The following ADGRL3 variants were observed in gnomAD, a reference collection of about 807,000 sequenced individuals.
ADGRL3 encodes calcium-independent alpha-latrotoxin receptor 3.
In ADGRL3, 62 loss-of-function variants were observed where a neutral mutation model predicts 153.5. That is an observed-to-expected ratio of 0.40 (90% CI 0.33 to 0.50). The LOEUF (loss-of-function observed/expected upper bound fraction) is 0.50. ADGRL3 is among the 20% of genes least tolerant of loss of function. The probability of loss-of-function intolerance (pLI) is 0.47; values close to 1 mark genes in which losing one functional copy is unlikely to be tolerated. For synonymous variants in ADGRL3, 710 were observed against 672.5 expected, an observed-to-expected ratio of 1.06 and a Z score of -0.86; for missense variants, 1,641 against 1,859.4, an observed-to-expected ratio of 0.88 and a Z score of 2.16.
intron 24 of ADGRL3, among the ~76,000 whole-genome samples, chr4:62,042,485 G>A (rs1728918444): frequency 6.6e-6 from 1 of 151,810 alleles, no homozygotes; most frequent in Admixed American, 6.6e-5. Flanking sequence ...ACCCCAGACA[G>A]AGAAAACAAC....
At chr4:61,815,752 C>A (rs1045264000) in intron 9 of ADGRL3, among the ~76,000 whole-genome samples, 6 of 152,142 alleles carry the variant, frequency 3.9e-5, no homozygotes, top group Non-Finnish European at 5.9e-5. Context: ...GATTGATGAC[C>A]TTATAAAAGG....
chr4:61,554,945 T>C (rs184982032), intron 4 of ADGRL3, among the ~76,000 whole-genome samples: 12 of 152,242 alleles, frequency 7.9e-5, no homozygotes, highest in African/African-American at 2.9e-4. Flanking sequence ...AAAAGGAAGT[T>C]TGGACTGTAG....
At chr4:61,417,120 ACCT>A (rs1203542944) in intron 2 of ADGRL3, among the ~76,000 whole-genome samples, 2 of 151,968 alleles carry the variant, frequency 1.3e-5, no homozygotes, top group African/African-American at 4.8e-5. Context: ...CCTGCTGCTC[ACCT>A]CCTGCTGTGC....
chr4:61,495,989 C>T (rs1190088667), intron 2 of ADGRL3, among the ~76,000 whole-genome samples: 2 of 152,076 alleles, frequency 1.3e-5, no homozygotes, highest in Non-Finnish European at 2.9e-5. Flanking sequence ...AATGAAATTT[C>T]GGGCATAATA....
At chr4:61,249,735 G>C (rs1471240023) in intron 1 of ADGRL3, among the ~76,000 whole-genome samples, 1 of 152,112 alleles carries the variant, frequency 6.6e-6, no homozygotes, top group African/African-American at 2.4e-5. Flanking sequence ...AAATTGAAAA[G>C]GAGAGAATGG....
At chr4:61,779,314 G>C (rs12509742) in intron 8 of ADGRL3, among the ~76,000 whole-genome samples, 5 of 151,298 alleles carry the variant, frequency 3.3e-5, no homozygotes, top group African/African-American at 9.7e-5. Context: ...GAAACTCTGC[G>C]GGGGGGTGGA....
chr4:61,385,434 C>A (rs1376096784), intron 2 of ADGRL3: 1 of 152,282 alleles, frequency 6.6e-6, no homozygotes, highest in African/African-American at 2.4e-5. Flanking sequence ...AGCAATCCTT[C>A]AATGGCCACC....
intron 8 of ADGRL3, among the ~76,000 whole-genome samples, chr4:61,745,819 A>G (rs942339390): frequency 6.6e-6 from 1 of 152,292 alleles, no homozygotes; most frequent in East Asian, 1.9e-4. Flanking sequence ...CAAAATAACC[A>G]GCTAACATCA....
intron 4 of ADGRL3, among the ~76,000 whole-genome samples, chr4:61,578,949 G>A (rs976408534): frequency 1.3e-5 from 2 of 152,018 alleles, no homozygotes; most frequent in South Asian, 2.1e-4. Flanking sequence ...CTGGGTCATC[G>A]GCCTATCTCT....
intron 8 of ADGRL3, among the ~76,000 whole-genome samples, chr4:61,779,478 A>G (rs995842391): frequency 6.6e-6 from 1 of 151,796 alleles, no homozygotes; most frequent in African/African-American, 2.4e-5. Flanking sequence ...TATTAAAAAT[A>G]CAAAAATTAG....
chr4:62,009,434 C>T (rs1324482624), intron 21 of ADGRL3, among the ~76,000 whole-genome samples: 6 of 151,788 alleles, frequency 4.0e-5, no homozygotes, highest in East Asian at 1.9e-4. Flanking sequence ...TTTTATGAAG[C>T]GTACTTTATA....
intron 6 of ADGRL3, chr4:61,677,434 C>T (rs762486386): frequency 2.1e-5 from 8 of 377,254 alleles, no homozygotes; most frequent in Admixed American, 1.9e-4. Flanking sequence ...ACTTGAAGTA[C>T]TCTTCAGACT....
intron 1 of ADGRL3, among the ~76,000 whole-genome samples, chr4:61,246,745 A>G (rs1757256932): frequency 6.6e-6 from 1 of 151,606 alleles, no homozygotes; most frequent in Non-Finnish European, 1.5e-5. Context: ...ATATATATTT[A>G]TATATTATAA....
At position 61,855,715 on chromosome 4, in the gene ADGRL3, G is replaced by GA. The variant is rs888452855; in HGVS notation, c.1481-36932dup. ...ATGAGGATTATGAGCTATTAATGAA[G>GA]AAAAAAAAATACTTGCCTAATAGTC... On this transcript the variant is annotated intron_variant, in intron 9 of 26. Transcript: ENST00000683033. Among the ~76,000 whole-genome samples the GA allele has an allele frequency of 3.4e-4, 51 of 148,752 alleles. No individual in the cohort carries two copies. In the East Asian group the frequency reaches 3.5e-3, roughly 10 times the overall value.
At chr4:61,375,142 T>G (rs538211563) in intron 1 of ADGRL3, among the ~76,000 whole-genome samples, 47 of 152,242 alleles carry the variant, frequency 3.1e-4, no homozygotes, top group African/African-American at 1.0e-3. Context: ...AAAAATTTGG[T>G]AACTCTTAAA....
At position 61,596,529 on chromosome 4, in the gene ADGRL3, GA is replaced by G. The variant is rs548119303; in HGVS notation, c.473+9093del. The stretch of plus-strand genomic sequence containing the variant: ...TCTCTGCCAGAGCTCAACTTACACT[GA>G]AAACATATTATGAAATTTGCCTCCT... On this transcript the variant is annotated intron_variant, in intron 5 of 26. Coordinates refer to ENST00000683033, the MANE Select transcript of ADGRL3 (RefSeq NM_001387552.1). Among the ~76,000 whole-genome samples, 4 of 152,222 alleles carry G rather than the reference GA, an allele frequency of 2.6e-5. No individual in the cohort carries two copies. In the South Asian group the frequency reaches 8.3e-4, roughly 32 times the overall value.
At chr4:61,766,450 G>C (rs558966411) in intron 8 of ADGRL3, among the ~76,000 whole-genome samples, 1 of 152,130 alleles carries the variant, frequency 6.6e-6, no homozygotes, top group Non-Finnish European at 1.5e-5. Context: ...GCTACAGGGT[G>C]TGGTCCTGGC....
At chr4:61,702,592 T>C (rs754564073) in intron 6 of ADGRL3, among the ~76,000 whole-genome samples, 17 of 152,348 alleles carry the variant, frequency 1.1e-4, no homozygotes, top group Non-Finnish European at 1.9e-4. Flanking sequence ...GTTTTACTTT[T>C]ATTTTTATGC....
intron 1 of ADGRL3, among the ~76,000 whole-genome samples, chr4:61,281,252 C>T (rs2093712540): frequency 6.6e-6 from 1 of 151,972 alleles, no homozygotes; most frequent in Admixed American, 6.6e-5. Flanking sequence ...TCCCAAAGAC[C>T]AGCAAAATTA....
Sources: gnomAD v4.1 joint callset for allele counts (sites outside exome capture counted in the v4.1 genomes callset) on GRCh38, gnomAD v4.1.1 for gene constraint, MANE v1.5 for transcripts, NCBI Gene and HGNC (gene_info 2026-07-23, HGNC 2026-07-21) for gene names.